Variants in RPS6KA2 observed in about 807,000 individuals in gnomAD.
RPS6KA2 encodes ribosomal protein S6 kinase A2, also known as ribosomal protein S6 kinase alpha-2.
A neutral mutation model predicts 91.8 loss-of-function variants in RPS6KA2; 42 were observed. The observed-to-expected ratio is 0.46, with a 90% CI of 0.36 to 0.59. The LOEUF is 0.59. Ranked by LOEUF, RPS6KA2 falls within the 20% of genes least tolerant of loss-of-function variation. The probability of loss-of-function intolerance (pLI) is 0.00; values close to 1 mark genes in which losing one functional copy is unlikely to be tolerated. For missense variants in RPS6KA2, 798 were observed against 978.5 expected (o/e 0.82, Z 2.46); for synonymous variants, 414 against 393.6 (o/e 1.05, Z -0.61).
chr6:166,612,079 C>G lies in RPS6KA2; in HGVS notation c.99+14842G>C, dbSNP rs1019012951. 6.6e-6 allele frequency among the ~76,000 whole-genome samples: 1 copy of G among 152,182 alleles called. No homozygotes were observed. The highest frequency in any genetic ancestry group is 2.4e-5 in the African/African-American group (1 of 41,430). On this transcript the variant is annotated intron_variant, in intron 1 of 20. Transcript: ENST00000265678. The surrounding 1 kb of genome is among the most constrained non-coding windows in gnomAD (Gnocchi z 4.3). The stretch of plus-strand genomic sequence containing the variant: ...AGGCATCCAACCCATTCTCCAACAC[C>G]CCTTTCCCAGGCCTGTTTGTTCTTT...
intron 2 of RPS6KA2, among the ~76,000 whole-genome samples, chr6:166,668,883 C>G (rs1434814604): frequency 4.1e-5 from 5 of 122,246 alleles, no homozygotes; most frequent in Non-Finnish European, 6.5e-5. Context: ...TTCCTTCCTT[C>G]CTTTCTTTCT....
chr6:166,648,130 A>C lies in RPS6KA2; in HGVS notation c.124-109346T>G, dbSNP rs1046452519. 3.0e-4 allele frequency among the ~76,000 whole-genome samples: 45 copies of C among 150,274 alleles called. No individual in the cohort carries two copies. Among genetic ancestry groups the C allele is most frequent in the South Asian group, 2.1e-3 (10 of 4,746 alleles). On this transcript the variant is annotated intron_variant, in intron 2 of 21. Transcript: ENST00000503859. This position sits in a 1 kb window ranked among gnomAD's most constrained non-coding sequence, Gnocchi z 4.8. ...CACGTGCACACACACGCTCATACAC[A>C]TACATGCACACACGCACATGGTTAC...
Position 166,564,088 on chromosome 6 carries a change from T to C in RPS6KA2, c.100-25304A>G, listed in dbSNP as rs183081443. 3.3e-5 allele frequency among the ~76,000 whole-genome samples: 5 copies of C among 152,320 alleles called. No homozygotes were observed. In the East Asian group the frequency reaches 9.6e-4, roughly 29 times the overall value. On this transcript the variant is annotated intron_variant, in intron 1 of 20. Coordinates refer to ENST00000265678, the MANE Select transcript of RPS6KA2 (RefSeq NM_021135.6). Reference sequence around the variant, plus strand: ...ATAATAAACTATGTCCCAGGCTCTGTGTTTCCTCAGGAATATATTTACTTA... The same window carrying C: ...ATAATAAACTATGTCCCAGGCTCTGCGTTTCCTCAGGAATATATTTACTTA...
At position 166,504,625 on chromosome 6, in the gene RPS6KA2, AAAC is replaced by A. The variant is rs552713824; in HGVS notation, c.460-16_460-14del. On this transcript the variant is annotated splice_polypyrimidine_tract_variant and intron_variant, in intron 5 of 20. Coordinates refer to ENST00000265678, the MANE Select transcript of RPS6KA2 (RefSeq NM_021135.6). Reference sequence around the variant, plus strand: ...CCGTGAACATGACCTAGTAAGAAAAAAACAAAAACAAAAACAAAAAACGTTTAA... The same window carrying A: ...CCGTGAACATGACCTAGTAAGAAAAAAAAAACAAAAACAAAAAACGTTTAA... 598 of 1,516,828 alleles carry A rather than the reference AAAC, an allele frequency of 3.9e-4. 4 individuals carry two copies. The South Asian group carries it at 6.6e-3, about 17-fold the overall frequency. The allele number at this position is 1,516,828 out of a possible 1,614,324, so 94.0% of individuals were successfully genotyped here.
intron 2 of RPS6KA2, among the ~76,000 whole-genome samples, chr6:166,782,302 C>T (rs1778792424): frequency 6.6e-6 from 1 of 152,112 alleles, no homozygotes. Context: ...AAAACAACAA[C>T]CACAACAAAA....
chr6:166,450,540 GGGGACCACCACAGGGGACCACCCAA>G (rs1259725853), intron 13 of RPS6KA2, among the ~76,000 whole-genome samples: 1 of 136,792 alleles, frequency 7.3e-6, no homozygotes, highest in Non-Finnish European at 1.5e-5. Context: ...GGAACACCAT[GGGGACCACCACAGGGGACCACCCAA>G]GGGACCACCA....
rs560298143 is a variant in RPS6KA2 at position 166,564,406 on chromosome 6, A to G, written c.100-25622T>C. On this transcript the variant is annotated intron_variant, in intron 1 of 20. Coordinates refer to ENST00000265678, the MANE Select transcript of RPS6KA2 (RefSeq NM_021135.6). ...TGGGGCAGATTCCCCCTCAGCCTAAACATTCTGCACTGCAGAGGGCCTGCC... is the reference window on the plus strand; with the variant it reads ...TGGGGCAGATTCCCCCTCAGCCTAAGCATTCTGCACTGCAGAGGGCCTGCC... Among the ~76,000 whole-genome samples the G allele has an allele frequency of 3.7e-4, 57 of 152,172 alleles. No individual in the cohort carries two copies. In the South Asian group the frequency reaches 0.011, roughly 30 times the overall value.
intron 10 of RPS6KA2, among the ~76,000 whole-genome samples, chr6:166,475,106 A>C (rs537842236): frequency 4.6e-5 from 7 of 152,118 alleles, no homozygotes; most frequent in Non-Finnish European, 7.4e-5. Flanking sequence ...GAAAGCAGAC[A>C]GCCTGAGCAG....
chr6:166,624,766 C>T (rs1018220737), intron 1 of RPS6KA2, among the ~76,000 whole-genome samples: 1 of 152,090 alleles, frequency 6.6e-6, no homozygotes, highest in Non-Finnish European at 1.5e-5. Flanking sequence ...TATGCTACCC[C>T]GATTTTCACA....
chr6:166,583,492 T>C (rs930487584), intron 1 of RPS6KA2, among the ~76,000 whole-genome samples: 1 of 152,238 alleles, frequency 6.6e-6, no homozygotes, highest in Non-Finnish European at 1.5e-5. Context: ...CCTGCGCACC[T>C]TCTCTGAGCT....
At chr6:166,686,218 G>T (rs561831626) in intron 2 of RPS6KA2, among the ~76,000 whole-genome samples, 1 of 152,254 alleles carries the variant, frequency 6.6e-6, no homozygotes, top group South Asian at 2.1e-4. Flanking sequence ...CCAGGAACAG[G>T]AGTCAGGGTG....
rs561998125 is a variant in RPS6KA2, at chr6:166,495,894, G to A, written c.747+2614C>T. 3.3e-4 allele frequency among the ~76,000 whole-genome samples: 50 copies of A among 152,196 alleles called. No individual in the cohort carries two copies. Among genetic ancestry groups the A allele is most frequent in the Non-Finnish European group, 5.6e-4 (38 of 68,036 alleles). On this transcript the variant is annotated intron_variant, in intron 8 of 20. Transcript: ENST00000265678. This position sits in a 1 kb window ranked among gnomAD's most constrained non-coding sequence, Gnocchi z 4.4. ...TTAGGGCTGATGGTGGAAGGGGACC[G>A]GGGGGAGTTTGCTGGAGCAAGGCGA... is the stretch of plus-strand genomic sequence containing the variant.
intron 2 of RPS6KA2, chr6:166,701,137 T>C: frequency 6.2e-7 from 1 of 1,612,056 alleles, no homozygotes; most frequent in Non-Finnish European, 8.5e-7. Flanking sequence ...CAGAGCCTTC[T>C]GTTGTTGCTG....
chr6:166,753,419 C>G (rs1259539594), intron 2 of RPS6KA2, among the ~76,000 whole-genome samples: 1 of 152,176 alleles, frequency 6.6e-6, no homozygotes, highest in Non-Finnish European at 1.5e-5. Flanking sequence ...ATGTGTAATG[C>G]TGTTGGAATT....
At chr6:166,513,819 T>C (rs1782550590) in intron 3 of RPS6KA2, among the ~76,000 whole-genome samples, 1 of 152,234 alleles carries the variant, frequency 6.6e-6, no homozygotes, top group African/African-American at 2.4e-5. Flanking sequence ...TTTCAAAGAA[T>C]ACAATTTTGT....
At chr6:166,478,069 C>A (rs965552824) in intron 10 of RPS6KA2, among the ~76,000 whole-genome samples, 1 of 152,206 alleles carries the variant, frequency 6.6e-6, no homozygotes, top group African/African-American at 2.4e-5. Flanking sequence ...CAGGGGGAGG[C>A]CAAGCAGGGG....
At chr6:166,592,689 C>T (rs1785393529) in intron 1 of RPS6KA2, among the ~76,000 whole-genome samples, 1 of 3,014 alleles carries the variant, frequency 3.3e-4, no homozygotes, top group Non-Finnish European at 5.9e-4. Context: ...AACTGTACTA[C>T]AGCGCTTCAC....
rs146743320 is a variant in RPS6KA2, at chr6:166,418,084, C to A, written c.1938+141G>T. On this transcript the variant is annotated intron_variant, in intron 19 of 20. Coordinates refer to ENST00000265678, the MANE Select transcript of RPS6KA2 (RefSeq NM_021135.6). The surrounding 1 kb of genome is among the most constrained non-coding windows in gnomAD (Gnocchi z 4.9). ...GCCTGGGTGAGACAGAGCGAGACTC[C>A]ATTTCAAGAAAAAAAAAAAAATATG... The A allele has an allele frequency of 6.2e-6, 4 of 647,792 alleles. No homozygotes were observed. In the African/African-American group the frequency reaches 7.4e-5, roughly 12 times the overall value. The allele number at this position is 647,792 out of a possible 1,614,324, so 40.1% of individuals were successfully genotyped here.
intron 1 of RPS6KA2, among the ~76,000 whole-genome samples, chr6:166,562,892 G>T (rs1044221909): frequency 1.3e-5 from 2 of 152,200 alleles, no homozygotes; most frequent in African/African-American, 4.8e-5. Flanking sequence ...GAAGTTGGGG[G>T]TGCAGGGGGC....
Sources: gnomAD v4.1 joint callset for allele counts (sites outside exome capture counted in the v4.1 genomes callset) on GRCh38, gnomAD v4.1.1 for gene constraint, Gnocchi (gnomAD v3.1) non-coding constraint, MANE v1.5 for transcripts, NCBI Gene and HGNC (gene_info 2026-07-23, HGNC 2026-07-21) for gene names.